MTDH: variants seen among roughly 807,000 people sequenced by gnomAD.
The protein encoded by MTDH is protein LYRIC.
MTDH carries 34 observed loss-of-function variants against 72.7 expected under a neutral mutation model. That is an observed-to-expected ratio of 0.47 (90% CI 0.36 to 0.62). The LOEUF (loss-of-function observed/expected upper bound fraction) is 0.62, where lower values mean the gene tolerates loss of function less well. Ranked by LOEUF, MTDH falls within the 20% of genes least tolerant of loss-of-function variation. The probability of loss-of-function intolerance (pLI) is 0.00; values close to 1 mark genes in which losing one functional copy is unlikely to be tolerated. For synonymous variants in MTDH, 266 were observed against 268.9 expected, an observed-to-expected ratio of 0.99 and a Z score of 0.10; for missense variants, 677 against 699.4, an observed-to-expected ratio of 0.97 and a Z score of 0.36.
chr8:97,656,376 C>T lies in MTDH; in HGVS notation c.382-4696C>T, dbSNP rs184000396. On this transcript the variant is annotated intron_variant, in intron 1 of 11. Transcript: ENST00000336273. ...CTGGAGTGCAGTGGCGCGATCTCAG[C>T]TCACTGCAACCTCCGCATCCCAGGT... Among the ~76,000 whole-genome samples, 377 of 148,202 alleles carry T rather than the reference C, an allele frequency of 2.5e-3. 1 individual carries two copies. Among genetic ancestry groups the T allele is most frequent in the Non-Finnish European group, 3.0e-3 (205 of 67,480 alleles).
At chr8:97,707,979 T>C (rs1189697108) in intron 8 of MTDH, among the ~76,000 whole-genome samples, 2 of 152,004 alleles carry the variant, frequency 1.3e-5, no homozygotes, top group Non-Finnish European at 2.9e-5. Context: ...TTTTTTCTTT[T>C]TCTTTTTGAG....
chr8:97,720,387 G>A (rs908720320), intron 10 of MTDH, among the ~76,000 whole-genome samples: 4 of 151,980 alleles, frequency 2.6e-5, no homozygotes, highest in Non-Finnish European at 4.4e-5. Flanking sequence ...GACCAGCCTG[G>A]GCAACATGGC....
At chr8:97,673,907 G>A (rs1205333444) in intron 2 of MTDH, among the ~76,000 whole-genome samples, 4 of 151,930 alleles carry the variant, frequency 2.6e-5, no homozygotes, top group Non-Finnish European at 4.4e-5. Context: ...CCCAAGAGGC[G>A]GAGGTTGCAG....
chr8:97,685,086 A>C (rs539473391), intron 2 of MTDH, among the ~76,000 whole-genome samples: 30 of 152,214 alleles, frequency 2.0e-4, no homozygotes, highest in Non-Finnish European at 3.4e-4. Flanking sequence ...AAAAAATAAT[A>C]ATTTTGATAG....
Position 97,666,114 on chromosome 8 carries a change from C to T in MTDH, c.483+4941C>T, listed in dbSNP as rs969196908. ...CTGCACCCCAGCATGGGCGACAGAG[C>T]GAGACTCCGTCTCAAAAAAAAAAAA... On this transcript the variant is annotated intron_variant, in intron 2 of 11. Transcript: ENST00000336273. 4.4e-5 allele frequency among the ~76,000 whole-genome samples: 6 copies of T among 135,876 alleles called. No individual in the cohort carries two copies. The East Asian group carries it at 6.3e-4, about 14-fold the overall frequency. 89.1% of individuals were successfully genotyped at this position (135,876 alleles called of 152,430 possible). A position where few individuals can be genotyped will look rare whatever the true frequency, so the allele number is the denominator to read the frequency against.
chr8:97,651,050 T>C (rs549757603), intron 1 of MTDH, among the ~76,000 whole-genome samples: 1 of 152,344 alleles, frequency 6.6e-6, no homozygotes, highest in African/African-American at 2.4e-5. Context: ...TTATAAATAG[T>C]ACTGGAACAG....
At position 97,728,958 on chromosome 8, in the gene MTDH, C is replaced by G. The variant is rs1295500074; in HGVS notation, c.*4288C>G. ...ATAGGGTCTCACTCTGTTGCCCAGG[C>G]TGGAGTGCAGTGGCACACTTCTGGC... On this transcript the variant is annotated 3_prime_UTR_variant, in exon 12 of 12. Coordinates refer to ENST00000336273, the MANE Select transcript of MTDH (RefSeq NM_178812.4). Among the ~76,000 whole-genome samples, 40 of 150,088 alleles carry G rather than the reference C, an allele frequency of 2.7e-4. No homozygotes were observed. The highest frequency in any genetic ancestry group is 1.4e-3 in the Admixed American group (21 of 14,988).
chr8:97,677,756 C>G (rs1812915183), intron 2 of MTDH, among the ~76,000 whole-genome samples: 1 of 152,082 alleles, frequency 6.6e-6, no homozygotes, highest in South Asian at 2.1e-4. Context: ...TCTAATTTAG[C>G]AAGATATCTA....
intron 6 of MTDH, among the ~76,000 whole-genome samples, chr8:97,694,950 A>G (rs1224107483): frequency 1.3e-5 from 2 of 152,052 alleles, no homozygotes; most frequent in African/African-American, 2.4e-5. Context: ...GACCTTCCCT[A>G]AATTCCCACT....
At chr8:97,696,582 T>G (rs1183460144) in intron 6 of MTDH, among the ~76,000 whole-genome samples, 1 of 152,190 alleles carries the variant, frequency 6.6e-6, no homozygotes, top group Non-Finnish European at 1.5e-5. Context: ...CATATTCTTC[T>G]GTTGCTAATG....
intron 2 of MTDH, among the ~76,000 whole-genome samples, chr8:97,677,180 CAAAAA>C (rs71271142): frequency 2.3e-5 from 1 of 44,134 alleles, no homozygotes; most frequent in Non-Finnish European, 4.0e-5. Flanking sequence ...AAGCCTGTCT[CAAAAA>C]AAAAAAAAAA....
intron 1 of MTDH, among the ~76,000 whole-genome samples, chr8:97,651,153 A>G (rs1418854643): frequency 6.6e-6 from 1 of 152,136 alleles, no homozygotes; most frequent in Non-Finnish European, 1.5e-5. Context: ...GGAAAGTGCA[A>G]AATTAGGTCC....
intron 1 of MTDH, among the ~76,000 whole-genome samples, chr8:97,655,180 G>C (rs1333861682): frequency 6.6e-6 from 1 of 152,214 alleles, no homozygotes; most frequent in Non-Finnish European, 1.5e-5. Context: ...CTCCCAGCCT[G>C]CTTTCAAAAC....
chr8:97,691,701 G>T (rs1394185638), intron 6 of MTDH, among the ~76,000 whole-genome samples: 1 of 138,224 alleles, frequency 7.2e-6, no homozygotes, highest in Non-Finnish European at 1.6e-5. Flanking sequence ...GTGTGTGTGT[G>T]TTTGTGTGTG....
chr8:97,659,120 G>A (rs1347750811), intron 1 of MTDH, among the ~76,000 whole-genome samples: 6 of 151,164 alleles, frequency 4.0e-5, no homozygotes, highest in Admixed American at 6.6e-5. Flanking sequence ...TCCAGCCTGG[G>A]CAACAGAGCG....
chr8:97,662,527 T>C (rs1314677988), intron 2 of MTDH, among the ~76,000 whole-genome samples: 1 of 151,358 alleles, frequency 6.6e-6, no homozygotes, highest in Non-Finnish European at 1.5e-5. Context: ...GGCTCACGCC[T>C]GTAATCCCAG....
At chr8:97,699,171 C>T (rs1486764239) in intron 6 of MTDH, among the ~76,000 whole-genome samples, 1 of 152,000 alleles carries the variant, frequency 6.6e-6, no homozygotes, top group East Asian at 1.9e-4. Context: ...GCCTGTAGTC[C>T]CAGCTACTTG....
Position 97,724,584 on chromosome 8 carries a change from C to G in MTDH, c.1679-16C>G. 6.4e-7 allele frequency: 1 copy of G among 1,569,474 alleles called. No homozygotes were observed. Among genetic ancestry groups the G allele is most frequent in the Non-Finnish European group, 8.6e-7 (1 of 1,164,670 alleles). ...CTCCTAATTTTTTTCTTCGTTTTCC[C>G]CCTTTTCTTTTTTAGCCAAGTCTGA... On this transcript the variant is annotated splice_polypyrimidine_tract_variant and intron_variant, in intron 11 of 11. Transcript: ENST00000336273.
chr8:97,674,921 C>G lies in MTDH; in HGVS notation c.484-11747C>G, dbSNP rs368817659. Among the ~76,000 whole-genome samples the G allele has an allele frequency of 2.3e-3, 357 of 152,204 alleles. 16 individuals carry two copies. In the South Asian group the frequency reaches 0.072, roughly 31 times the overall value. On this transcript the variant is annotated intron_variant, in intron 2 of 11. Transcript: ENST00000336273. ...GCCCTCCCGGGCTCAAGTGATTCTC[C>G]CACCTCAGCTTCCCAAGTAGCTGGG...
Sources: gnomAD v4.1 joint callset for allele counts (sites outside exome capture counted in the v4.1 genomes callset) on GRCh38, gnomAD v4.1.1 for gene constraint, MANE v1.5 for transcripts, NCBI Gene and HGNC (gene_info 2026-07-23, HGNC 2026-07-21) for gene names.